The following FRMD3 variants were observed in gnomAD, a reference collection of about 807,000 sequenced individuals.
FRMD3 encodes FERM domain containing 3, also known as FERM domain-containing protein 3.
In FRMD3, 33 loss-of-function variants were observed where a neutral mutation model predicts 70.2. The observed-to-expected ratio is 0.47, with a 90% CI of 0.36 to 0.63. The LOEUF is 0.63. FRMD3 is among the 20% of genes least tolerant of loss of function. The probability of loss-of-function intolerance (pLI) is 0.00; values close to 1 mark genes in which losing one functional copy is unlikely to be tolerated. For synonymous variants in FRMD3, 279 were observed against 255.9 expected (o/e 1.09, Z -0.86); for missense variants, 632 against 711.4 (o/e 0.89, Z 1.27).
chr9:83,458,712 C>A (rs4877768), intron 1 of FRMD3, among the ~76,000 whole-genome samples: 48,334 of 152,018 alleles, frequency 0.32, 8,237 homozygotes, highest in Middle Eastern at 0.4. Context: ...CATCTACAAA[C>A]TCAAAAGCCA....
chr9:83,427,383 T>C lies in FRMD3; in HGVS notation c.148-37675A>G, dbSNP rs112683146. Among the ~76,000 whole-genome samples, 923 of 152,264 alleles carry C rather than the reference T, an allele frequency of 6.1e-3. 12 individuals are homozygous for C. Among genetic ancestry groups the C allele is most frequent in the African/African-American group, 0.02 (849 of 41,540 alleles). Reference sequence around the variant, plus strand: ...CCACTCCATGTGCTCTTTATAGAGGTTGTTCAGGTCACACATCCCTTAGGG... The same window carrying C: ...CCACTCCATGTGCTCTTTATAGAGGCTGTTCAGGTCACACATCCCTTAGGG... On this transcript the variant is annotated intron_variant, in intron 1 of 13. Transcript: ENST00000304195.
chr9:83,308,385 T>A (rs1302758379), intron 10 of FRMD3, among the ~76,000 whole-genome samples: 2 of 152,182 alleles, frequency 1.3e-5, no homozygotes, highest in African/African-American at 4.8e-5. Context: ...GGTTTCAAAA[T>A]CATTATCCAA....
chr9:83,346,255 CAA>C (rs56163115), intron 4 of FRMD3, among the ~76,000 whole-genome samples: 257 of 62,104 alleles, frequency 4.1e-3, no homozygotes, highest in African/African-American at 8.3e-3. Flanking sequence ...GACGCCATCT[CAA>C]AAAAAAAAAA....
chr9:83,505,163 T>C (rs977403921), intron 1 of FRMD3, among the ~76,000 whole-genome samples: 1 of 152,200 alleles, frequency 6.6e-6, no homozygotes, highest in Admixed American at 6.5e-5. Flanking sequence ...AATGGGTGTT[T>C]TACAATGATT....
At chr9:83,370,652 C>T (rs1824941158) in intron 3 of FRMD3, among the ~76,000 whole-genome samples, 1 of 152,178 alleles carries the variant, frequency 6.6e-6, no homozygotes, top group Admixed American at 6.5e-5. Flanking sequence ...TGGCTCACTC[C>T]TGAAATCCCA....
At chr9:83,403,772 C>T (rs73465724) in intron 1 of FRMD3, among the ~76,000 whole-genome samples, 16,449 of 152,098 alleles carry the variant, frequency 0.11, 1,056 homozygotes, top group African/African-American at 0.16. Flanking sequence ...TTTACCCTTC[C>T]AACAACCCTA....
At chr9:83,497,807 G>A (rs1587478476) in intron 1 of FRMD3, among the ~76,000 whole-genome samples, 2 of 152,278 alleles carry the variant, frequency 1.3e-5, no homozygotes, top group South Asian at 4.1e-4. Context: ...ACAGTTGCCC[G>A]GTTGCATCAG....
downstream of FRMD3, chr9:83,243,327 G>T: frequency 9.1e-7 from 1 of 1,098,652 alleles, no homozygotes; most frequent in Non-Finnish European, 1.3e-6. Context: ...GTAGAGAGTG[G>T]CCCAGAGGGA....
At position 83,244,706 on chromosome 9, in the gene FRMD3, T is replaced by TTTCAC. The variant is rs1832004974; in HGVS notation, c.*3207_*3211dup. 1 of 984,922 alleles carries TTTCAC rather than the reference T, an allele frequency of 1.0e-6. No homozygotes were observed. The highest frequency in any genetic ancestry group is 4.7e-5 in the South Asian group (1 of 21,284). 61.0% of individuals were successfully genotyped at this position (984,922 alleles called of 1,614,324 possible). A position where few individuals can be genotyped will look rare whatever the true frequency, so the allele number is the denominator to read the frequency against. On this transcript the variant is annotated 3_prime_UTR_variant, in exon 14 of 14. Transcript: ENST00000304195. The stretch of plus-strand genomic sequence containing the variant: ...CTGGATGTTGACATAGAAATGCAAA[T>TTTCAC]TTCACTATACAAAGGTAAGGCTCCA...
At chr9:83,327,384 C>T (rs1272063607) in intron 6 of FRMD3, among the ~76,000 whole-genome samples, 2 of 152,234 alleles carry the variant, frequency 1.3e-5, no homozygotes, top group East Asian at 1.9e-4. Flanking sequence ...GGGACTTTAG[C>T]ACTCAGCGAC....
chr9:83,581,755 T>G, the FRMD3 span, among the ~76,000 whole-genome samples: 2 of 152,226 alleles, frequency 1.3e-5, no homozygotes, highest in Admixed American at 6.5e-5. Flanking sequence ...ATGTGGCATA[T>G]TCATACAATA....
chr9:83,553,982 T>C, the FRMD3 span, among the ~76,000 whole-genome samples: 15 of 152,214 alleles, frequency 9.9e-5, no homozygotes, highest in Non-Finnish European at 1.9e-4. Context: ...CATCTCGGCA[T>C]GTGGGTGTTC....
At chr9:83,552,466 C>T in the FRMD3 span, among the ~76,000 whole-genome samples, 1 of 152,056 alleles carries the variant, frequency 6.6e-6, no homozygotes, top group East Asian at 1.9e-4. Flanking sequence ...GGGGTGAAGA[C>T]TTCTATAAAG....
At chr9:83,496,374 T>A (rs1009193909) in intron 1 of FRMD3, among the ~76,000 whole-genome samples, 1 of 152,166 alleles carries the variant, frequency 6.6e-6, no homozygotes, top group Non-Finnish European at 1.5e-5. Context: ...TGGTGTTTCA[T>A]CATTAACCTG....
chr9:83,323,722 G>GA (rs1316130925), intron 6 of FRMD3, among the ~76,000 whole-genome samples: 2 of 152,116 alleles, frequency 1.3e-5, no homozygotes, highest in African/African-American at 2.4e-5. Flanking sequence ...GTTATAGCAA[G>GA]AAAAAACAGG....
At chr9:83,368,506 A>T (rs1824863157) in intron 3 of FRMD3, among the ~76,000 whole-genome samples, 1 of 152,050 alleles carries the variant, frequency 6.6e-6, no homozygotes, top group South Asian at 2.1e-4. Flanking sequence ...AAATATTAGC[A>T]TCTCTTCTAA....
chr9:83,287,247 A>C (rs1834255521), intron 13 of FRMD3, among the ~76,000 whole-genome samples: 1 of 152,176 alleles, frequency 6.6e-6, no homozygotes, highest in Non-Finnish European at 1.5e-5. Flanking sequence ...GTATCTGGAG[A>C]CATTTTTGGT....
chr9:83,261,519 C>T (rs1832994954), intron 13 of FRMD3, among the ~76,000 whole-genome samples: 1 of 152,158 alleles, frequency 6.6e-6, no homozygotes, highest in Admixed American at 6.5e-5. Flanking sequence ...GGTTTCCATC[C>T]AATGATTCTA....
intron 13 of FRMD3, among the ~76,000 whole-genome samples, chr9:83,283,745 G>T (rs1834073960): frequency 6.6e-6 from 1 of 152,088 alleles, no homozygotes; most frequent in Admixed American, 6.6e-5. Context: ...CATTAGATAA[G>T]AATGTTCAGG....
Sources: gnomAD v4.1 joint callset for allele counts (sites outside exome capture counted in the v4.1 genomes callset) on GRCh38, gnomAD v4.1.1 for gene constraint, MANE v1.5 for transcripts, NCBI Gene and HGNC (gene_info 2026-07-23, HGNC 2026-07-21) for gene names.